PTPRT: variants seen among roughly 807,000 people sequenced by gnomAD.
The protein encoded by PTPRT is receptor-type tyrosine-protein phosphatase T.
In PTPRT, 56 loss-of-function variants were observed where a neutral mutation model predicts 176.8. The ratio of observed to expected loss-of-function variants is 0.32; its 90% CI spans 0.26 to 0.40. PTPRT has a LOEUF of 0.40. Ranked by LOEUF, PTPRT falls within the 10% of genes least tolerant of loss-of-function variation. The pLI is 1.00. For synonymous variants in PTPRT, 783 were observed against 739.0 expected, an observed-to-expected ratio of 1.06 and a Z score of -0.96; for missense variants, 1,540 against 1,908.2, an observed-to-expected ratio of 0.81 and a Z score of 3.60.
intron 1 of PTPRT, among the ~76,000 whole-genome samples, chr20:43,137,147 C>T (rs2013857317): frequency 6.6e-6 from 1 of 152,138 alleles, no homozygotes; most frequent in Non-Finnish European, 1.5e-5. Context: ...CTAGTCCAAC[C>T]TCCTCCTGAG....
chr20:42,894,339 G>A (rs1267491504), intron 1 of PTPRT, among the ~76,000 whole-genome samples: 1 of 152,176 alleles, frequency 6.6e-6, no homozygotes, highest in East Asian at 1.9e-4. Context: ...GACGGGGACA[G>A]AAAGCTGCTG....
At chr20:43,093,304 C>T (rs1260162667) in intron 1 of PTPRT, among the ~76,000 whole-genome samples, 1 of 152,138 alleles carries the variant, frequency 6.6e-6, no homozygotes, top group Non-Finnish European at 1.5e-5. Flanking sequence ...GTGTCAAATA[C>T]CCAAAACTTT....
At chr20:42,895,910 C>A (rs2079287616) in intron 1 of PTPRT, among the ~76,000 whole-genome samples, 1 of 152,114 alleles carries the variant, frequency 6.6e-6, no homozygotes, top group Non-Finnish European at 1.5e-5. Flanking sequence ...TTAATACAGT[C>A]CCGTGTATTG....
chr20:42,556,158 C>G (rs1298587762), intron 7 of PTPRT, among the ~76,000 whole-genome samples: 3 of 152,152 alleles, frequency 2.0e-5, no homozygotes, highest in African/African-American at 7.2e-5. Flanking sequence ...TTGCCTAGCT[C>G]AGATCACAAA....
At chr20:42,649,833 C>T (rs2074996926) in intron 7 of PTPRT, among the ~76,000 whole-genome samples, 1 of 151,866 alleles carries the variant, frequency 6.6e-6, no homozygotes, top group Admixed American at 6.5e-5. Flanking sequence ...ACTCAAGCAT[C>T]TGCAGCACAG....
chr20:42,196,274 G>C (rs938567843), intron 16 of PTPRT, among the ~76,000 whole-genome samples: 1 of 152,152 alleles, frequency 6.6e-6, no homozygotes, highest in Non-Finnish European at 1.5e-5. Flanking sequence ...CCGAAAGCAG[G>C]GGATCCAGTG....
intron 7 of PTPRT, among the ~76,000 whole-genome samples, chr20:42,532,644 G>A (rs186506485): frequency 6.6e-6 from 1 of 152,304 alleles, no homozygotes; most frequent in African/African-American, 2.4e-5. Context: ...CTGGTCTTGT[G>A]TAGTACTTCC....
intron 2 of PTPRT, among the ~76,000 whole-genome samples, chr20:42,854,555 G>A (rs1340524889): frequency 6.6e-6 from 1 of 152,144 alleles, no homozygotes; most frequent in Non-Finnish European, 1.5e-5. Context: ...CCACAGGCAT[G>A]GTACCTTGAA....
rs190540983 is a variant in PTPRT, at chr20:42,221,281, G to A, written c.2342+14948C>T. ...GGCCTCCCAAAGTGCTGGGATTACA[G>A]GCATGAGCTACTGCATCTGGCTAGT... On this transcript the variant is annotated intron_variant, in intron 15 of 30. Transcript: ENST00000373187. Among the ~76,000 whole-genome samples, 243 of 152,266 alleles carry A rather than the reference G, an allele frequency of 1.6e-3. 1 individual carries two copies. Among genetic ancestry groups the A allele is most frequent in the Non-Finnish European group, 2.8e-3 (190 of 68,022 alleles).
intron 5 of PTPRT, among the ~76,000 whole-genome samples, chr20:42,757,022 C>A (rs1282505962): frequency 1.3e-5 from 2 of 149,706 alleles, no homozygotes; most frequent in African/African-American, 5.0e-5. Flanking sequence ...TGCACTCTAC[C>A]CTGGGTGACA....
At chr20:42,913,783 T>C (rs962254660) in intron 1 of PTPRT, among the ~76,000 whole-genome samples, 2 of 152,230 alleles carry the variant, frequency 1.3e-5, no homozygotes, top group African/African-American at 4.8e-5. Context: ...TGTTTATGTT[T>C]AGTATGATAA....
chr20:42,209,553 T>G (rs920719041), intron 15 of PTPRT, among the ~76,000 whole-genome samples: 1 of 152,020 alleles, frequency 6.6e-6, no homozygotes, highest in Non-Finnish European at 1.5e-5. Flanking sequence ...CTAGAAGAAA[T>G]GGATAAATTC....
At chr20:43,092,028 A>T (rs541011045) in intron 1 of PTPRT, among the ~76,000 whole-genome samples, 15 of 152,348 alleles carry the variant, frequency 9.8e-5, no homozygotes, top group African/African-American at 3.6e-4. Context: ...TACGGTTCTC[A>T]CTGCAGAGAC....
At chr20:42,127,001 G>A (rs1987890773) in intron 19 of PTPRT, among the ~76,000 whole-genome samples, 1 of 152,178 alleles carries the variant, frequency 6.6e-6, no homozygotes, top group Non-Finnish European at 1.5e-5. Flanking sequence ...TGTTAATTAG[G>A]GTGTAGTTAG....
chr20:42,791,050 T>C (rs1450544257), intron 3 of PTPRT, 145 bp downstream of exon 3: 1 of 994,600 alleles, frequency 1.0e-6, no homozygotes, highest in East Asian at 2.5e-5. Context: ...TTAGGTCACC[T>C]CTGCAGAGCT....
At chr20:43,048,936 G>T (rs939952885) in intron 1 of PTPRT, among the ~76,000 whole-genome samples, 1 of 152,120 alleles carries the variant, frequency 6.6e-6, no homozygotes, top group Non-Finnish European at 1.5e-5. Flanking sequence ...TAACACATCT[G>T]CCCTGCTCTT....
the PTPRT span, among the ~76,000 whole-genome samples, chr20:42,065,889 C>T: frequency 1.3e-5 from 2 of 150,338 alleles, no homozygotes; most frequent in Non-Finnish European, 2.9e-5. Context: ...TTGAGGCCAT[C>T]ATATTTCATC....
intron 1 of PTPRT, among the ~76,000 whole-genome samples, chr20:43,130,262 A>G (rs1470681819): frequency 6.6e-6 from 1 of 152,178 alleles, no homozygotes; most frequent in African/African-American, 2.4e-5. Context: ...AAGGAGGCAA[A>G]TCCCAGAAAA....
intron 15 of PTPRT, among the ~76,000 whole-genome samples, chr20:42,206,680 C>G (rs1349999477): frequency 2.6e-5 from 4 of 152,340 alleles, no homozygotes; most frequent in African/African-American, 9.6e-5. Flanking sequence ...TGAGATCAAA[C>G]TGCAAGGTGG....
Sources: gnomAD v4.1 joint callset for allele counts (sites outside exome capture counted in the v4.1 genomes callset) on GRCh38, gnomAD v4.1.1 for gene constraint, MANE v1.5 for transcripts, NCBI Gene and HGNC (gene_info 2026-07-23, HGNC 2026-07-21) for gene names.